TEKT1: variants seen among roughly 807,000 people sequenced by gnomAD.
The protein encoded by TEKT1 is tektin 1, also known as tektin-1.
In TEKT1, 32 loss-of-function variants were observed where a neutral mutation model predicts 34.8. That is an observed-to-expected ratio of 0.92 (90% CI 0.69 to 1.23). The LOEUF (loss-of-function observed/expected upper bound fraction) is 1.23, where lower values mean the gene tolerates loss of function less well. TEKT1 is among the 50% of genes most tolerant of loss of function. TEKT1 has a pLI of 0.00. For synonymous variants in TEKT1, 207 were observed against 199.8 expected (o/e 1.04, Z -0.30); for missense variants, 492 against 518.5 (o/e 0.95, Z 0.50).
chr17:6,802,276 T>C (rs936835530), intron 6 of TEKT1, among the ~76,000 whole-genome samples: 10 of 152,182 alleles, frequency 6.6e-5, no homozygotes, highest in Non-Finnish European at 1.3e-4. Flanking sequence ...ACAGATATAC[T>C]ATTTTTAAAT....
chr17:6,815,443 A>G, intron 4 of TEKT1, 137 bp from the exon 5 acceptor site: 1 of 1,012,690 alleles, frequency 9.9e-7, no homozygotes, highest in Non-Finnish European at 1.5e-6. Flanking sequence ...CCATCACCCC[A>G]ACACTCATGC....
intron 2 of TEKT1, among the ~76,000 whole-genome samples, chr17:6,827,796 C>T (rs1904452245): frequency 6.6e-6 from 1 of 152,082 alleles, no homozygotes; most frequent in African/African-American, 2.4e-5. Flanking sequence ...GTGCAAAACA[C>T]TTGCACATCT....
intron 2 of TEKT1, 148 bp downstream of exon 2, chr17:6,830,039 G>A: frequency 1.3e-6 from 1 of 790,296 alleles, no homozygotes; most frequent in South Asian, 2.0e-5. Flanking sequence ...TCTTAGGGCA[G>A]TGAACTTAAA....
Position 6,805,262 on chromosome 17 carries a change from A to G in TEKT1, c.853-4319T>C, listed in dbSNP as rs997267649. Among the ~76,000 whole-genome samples the G allele has an allele frequency of 2.6e-5, 4 of 152,082 alleles. No homozygotes were observed. The East Asian group carries it at 7.7e-4, about 29-fold the overall frequency. ...CTAGTTTATTTGTGTAGAGGTGTTT[A>G]TAGTATTCTCTGCTGGTAATTTGTA... On this transcript the variant is annotated intron_variant, in intron 6 of 7. Transcript: ENST00000338694.
In TEKT1 at chr17:6,811,600, T is replaced by A. The variant is rs1390879116; in HGVS notation, c.852+1231A>T. Among the ~76,000 whole-genome samples, 1 of 152,154 alleles carries A rather than the reference T, an allele frequency of 6.6e-6. No individual in the cohort carries two copies. Among genetic ancestry groups the A allele is most frequent in the African/African-American group, 2.4e-5 (1 of 41,454 alleles). On this transcript the variant is annotated intron_variant, in intron 6 of 7. Transcript: ENST00000338694. This position sits in a 1 kb window ranked among gnomAD's most constrained non-coding sequence, Gnocchi z 4.4. Reference sequence around the variant, plus strand: ...TGCAGTTTCACCCTCGATGATACTCTGGTTTCTCCAGCACATCACAGAAAT... The same window carrying A: ...TGCAGTTTCACCCTCGATGATACTCAGGTTTCTCCAGCACATCACAGAAAT...
At chr17:6,813,551 GACACACACAC>G (rs34316443) in intron 5 of TEKT1, among the ~76,000 whole-genome samples, 1,811 of 135,184 alleles carry the variant, frequency 0.013, 38 homozygotes, top group African/African-American at 0.041. Flanking sequence ...GAAGAAACCA[GACACACACAC>G]ACACACACAC....
chr17:6,822,739 C>T (rs756892521), intron 2 of TEKT1, among the ~76,000 whole-genome samples: 15 of 152,310 alleles, frequency 9.8e-5, no homozygotes, highest in Non-Finnish European at 2.1e-4. Flanking sequence ...TATGCACTAT[C>T]TGTCTCCTGA....
intron 5 of TEKT1, among the ~76,000 whole-genome samples, chr17:6,813,528 A>C (rs890345260): frequency 6.7e-6 from 1 of 149,908 alleles, no homozygotes; most frequent in Admixed American, 6.7e-5. Flanking sequence ...GAACTTCAAA[A>C]TAATGTTAAT....
rs79630153 is a variant in TEKT1 at position 6,815,146 on chromosome 17, C to T, written c.629+17G>A. On this transcript the variant is annotated intron_variant, in intron 5 of 7. Transcript: ENST00000338694. The stretch of plus-strand genomic sequence containing the variant: ...ACTGGGTCACCCGCGAGGAGGAAGA[C>T]GGCAAGGCCCACTCACTTTGGCTCA... The T allele has an allele frequency of 5.5e-4, 873 of 1,599,518 alleles. 4 individuals carry two copies. The African/African-American group carries it at 9.3e-3, about 17-fold the overall frequency.
chr17:6,815,589 C>T (rs112127640), intron 4 of TEKT1, among the ~76,000 whole-genome samples: 1 of 152,156 alleles, frequency 6.6e-6, no homozygotes, highest in Non-Finnish European at 1.5e-5. Flanking sequence ...CAGTGGGTTC[C>T]AGCGTCCTCC....
chr17:6,804,444 C>T (rs1320169461), intron 6 of TEKT1, among the ~76,000 whole-genome samples: 2 of 151,964 alleles, frequency 1.3e-5, no homozygotes, highest in Non-Finnish European at 2.9e-5. Flanking sequence ...TAATTGAATA[C>T]CCTTTATTTC....
chr17:6,828,465 T>A (rs1904474082), intron 2 of TEKT1, among the ~76,000 whole-genome samples: 1 of 152,220 alleles, frequency 6.6e-6, no homozygotes, highest in East Asian at 1.9e-4. Context: ...ATAAATAAAT[T>A]AAGTCAGTTA....
In TEKT1 at chr17:6,799,041, C is replaced by T. The variant is rs1219472237; in HGVS notation, c.*986G>A. The T allele has an allele frequency of 6.6e-6, 1 of 152,132 alleles. No homozygotes were observed. The highest frequency in any genetic ancestry group is 1.5e-5 in the Non-Finnish European group (1 of 68,034). The allele number at this position is 152,132 out of a possible 1,614,324, so 9.4% of individuals were successfully genotyped here. A position where few individuals can be genotyped will look rare whatever the true frequency, so the allele number is the denominator to read the frequency against. On this transcript the variant is annotated 3_prime_UTR_variant, in exon 8 of 8. Coordinates refer to ENST00000338694, the MANE Select transcript of TEKT1 (RefSeq NM_053285.2). ...GTAAGCCTCGTCCATGGAAAGTGTT[C>T]CTTCAATGTTAGCGGAATAAGGAAC...
In TEKT1 at chr17:6,815,260, T is replaced by G; in HGVS notation, c.532A>C (p.Lys178Gln). Reference sequence around the variant, plus strand: ...TCATCTATGGTCAGGGCCACAAACTTGTCCTTCAAATCCTTCTCAAGATTG... The same window carrying G: ...TCATCTATGGTCAGGGCCACAAACTGGTCCTTCAAATCCTTCTCAAGATTG... ...KYNLEKDLKD[K>Q]FVALTIDDIC... Residue 178 changes from lysine to glutamine, a missense_variant, in exon 5 of 8, where the codon AAG becomes CAG. By Grantham distance (53) the Lys-to-Gln change is moderately conservative. Coordinates refer to ENST00000338694, the MANE Select transcript of TEKT1 (RefSeq NM_053285.2). The G allele has an allele frequency of 1.2e-6, 2 of 1,614,208 alleles. No individual in the cohort carries two copies. The highest frequency in any genetic ancestry group is 1.7e-6 in the Non-Finnish European group (2 of 1,180,040).
chr17:6,815,446 AC>A, intron 4 of TEKT1, 140 bp from the exon 5 acceptor site: 2 of 977,528 alleles, frequency 2.0e-6, no homozygotes, highest in Non-Finnish European at 1.6e-6. Context: ...TCACCCCAAC[AC>A]TCATGCGTAT....
intron 6 of TEKT1, among the ~76,000 whole-genome samples, chr17:6,804,238 C>A (rs1458135105): frequency 6.6e-6 from 1 of 152,208 alleles, no homozygotes; most frequent in East Asian, 1.9e-4. Context: ...AATGGGAGTT[C>A]ACTCATGATT....
At chr17:6,800,321 A>G (rs1365471725) in intron 7 of TEKT1, 87 bp from the exon 8 acceptor site, 29 of 1,187,450 alleles carry the variant, frequency 2.4e-5, no homozygotes, top group Middle Eastern at 2.3e-4. Flanking sequence ...TGTTCAGTGC[A>G]GGAGCCAAAT....
intron 2 of TEKT1, among the ~76,000 whole-genome samples, chr17:6,829,713 G>T (rs903876908): frequency 4.0e-5 from 6 of 151,852 alleles, no homozygotes; most frequent in Admixed American, 2.0e-4. Flanking sequence ...TATGTAAATA[G>T]CTGTTGAACT....
chr17:6,807,256 G>A (rs924800134), intron 6 of TEKT1, among the ~76,000 whole-genome samples: 69 of 152,154 alleles, frequency 4.5e-4, no homozygotes, highest in Middle Eastern at 3.4e-3. Flanking sequence ...CCAGTTGATC[G>A]AATTGGCTAC....
Sources: allele counts gnomAD v4.1 joint callset (sites outside exome capture counted in the v4.1 genomes callset), GRCh38; gene constraint gnomAD v4.1.1; non-coding constraint Gnocchi (gnomAD v3.1); transcripts MANE v1.5; gene names NCBI Gene and HGNC (gene_info 2026-07-23, HGNC 2026-07-21).